The following TAMM41 variants were observed in gnomAD, a reference collection of about 807,000 sequenced individuals.
TAMM41 encodes phosphatidate cytidylyltransferase, mitochondrial.
A neutral mutation model predicts 44.1 loss-of-function variants in TAMM41; 36 were observed. That is an observed-to-expected ratio of 0.82 (90% CI 0.63 to 1.08). TAMM41 has a LOEUF of 1.08. TAMM41 is among the 50% of genes least tolerant of loss of function. The pLI is 0.00. For synonymous variants in TAMM41, 164 were observed against 153.1 expected, an observed-to-expected ratio of 1.07 and a Z score of -0.53; for missense variants, 417 against 404.3, an observed-to-expected ratio of 1.03 and a Z score of -0.27.
At chr3:11,763,951 C>T in the TAMM41 span, among the ~76,000 whole-genome samples, 1 of 152,282 alleles carries the variant, frequency 6.6e-6, no homozygotes, top group African/African-American at 2.4e-5. Flanking sequence ...ATAAAGCATT[C>T]GCAGGTCACT....
intron 5 of TAMM41, among the ~76,000 whole-genome samples, chr3:11,815,426 GT>G (rs2078241364): frequency 6.6e-6 from 1 of 152,094 alleles, no homozygotes; most frequent in African/African-American, 2.4e-5. Flanking sequence ...AATGGGAAGA[GT>G]TTTACGGATC....
the TAMM41 span, among the ~76,000 whole-genome samples, chr3:11,742,065 A>G: frequency 1.3e-5 from 2 of 150,208 alleles, no homozygotes; most frequent in Non-Finnish European, 2.9e-5. Context: ...AAGGGGGTCT[A>G]CCGTATGCAT....
Position 11,807,836 on chromosome 3 carries a change from C to T in TAMM41, c.934G>A (p.Ala312Thr), listed in dbSNP as rs1474775068. Residue 312 changes from alanine (A) to threonine (T), a missense_variant, in exon 7 of 8, where the codon GCT becomes ACT. Physicochemically the swap from Ala to Thr is moderately conservative, Grantham distance 58 (BLOSUM62 0). Coordinates refer to ENST00000455809, the MANE Select transcript of TAMM41 (RefSeq NM_001284401.2). ...IRQSTKGIFTAGLKKSVIYSS... is the reference protein window; with the variant it reads ...IRQSTKGIFTTGLKKSVIYSS... Reference sequence around the variant, plus strand: ...CACGGATTTCCAAAGCTCTTACCAGCAGTAAAAATGCCTTTCGTGCTCTGT... The same window carrying T: ...CACGGATTTCCAAAGCTCTTACCAGTAGTAAAAATGCCTTTCGTGCTCTGT... The T allele has an allele frequency of 1.3e-6, 2 of 1,536,096 alleles. No homozygotes were observed. The highest frequency in any genetic ancestry group is 8.7e-7 in the Non-Finnish European group (1 of 1,146,922).
At chr3:11,727,746 T>A in the TAMM41 span, among the ~76,000 whole-genome samples, 1 of 151,822 alleles carries the variant, frequency 6.6e-6, no homozygotes, top group African/African-American at 2.4e-5. Context: ...ATTACAGACA[T>A]AAGCCACTGT....
At chr3:11,770,948 C>G in the TAMM41 span, among the ~76,000 whole-genome samples, 2 of 152,100 alleles carry the variant, frequency 1.3e-5, no homozygotes, top group Admixed American at 6.5e-5. Context: ...ACATGTACCC[C>G]CTTCACTCCC....
At chr3:11,784,096 G>A in the TAMM41 span, among the ~76,000 whole-genome samples, 2 of 152,144 alleles carry the variant, frequency 1.3e-5, no homozygotes, top group East Asian at 1.9e-4. Context: ...TGGAGATTTG[G>A]GCCCCAACCA....
intron 2 of TAMM41, among the ~76,000 whole-genome samples, chr3:11,842,066 C>T (rs1189900500): frequency 6.6e-6 from 1 of 152,120 alleles, no homozygotes; most frequent in African/African-American, 2.4e-5. Flanking sequence ...CCCTTTAAAG[C>T]GTGGGCCTTT....
intron 7 of TAMM41, among the ~76,000 whole-genome samples, chr3:11,793,059 C>CAAAAAAAAAAAAAAAAAAAAAA (rs61264653): frequency 1.5e-5 from 1 of 65,128 alleles, no homozygotes; most frequent in African/African-American, 6.7e-5. Context: ...GGCCCCATCT[C>CAAAAAAAAAAAAAAAAAAAAAA]AAAAAAAAAA....
the TAMM41 span, among the ~76,000 whole-genome samples, chr3:11,754,222 C>T: frequency 1.3e-5 from 2 of 152,250 alleles, no homozygotes; most frequent in Admixed American, 6.5e-5. Context: ...CTAGCATCAT[C>T]TGTCAATCTC....
chr3:11,839,289 G>C lies in TAMM41; in HGVS notation c.344C>G (p.Thr115Ser). 9 of 1,612,708 alleles carry C rather than the reference G, an allele frequency of 5.6e-6. No homozygotes were observed. The highest frequency in any genetic ancestry group is 7.6e-6 in the Non-Finnish European group (9 of 1,179,120). Residue 115 changes from threonine to serine, a missense_variant, in exon 3 of 8, where the codon ACT (threonine) becomes AGT (serine). Coordinates refer to ENST00000455809, the MANE Select transcript of TAMM41 (RefSeq NM_001284401.2). ...GRLIKYGVIS[T>S]NVLIEDLLNW... ...GAGGAGATCTTCAATCAGAACGTTA[G>C]TGCTAATAACTCCATATTTGATAAG...
intron 3 of TAMM41, among the ~76,000 whole-genome samples, chr3:11,831,210 A>C (rs752302683): frequency 5.9e-5 from 9 of 152,150 alleles, no homozygotes; most frequent in East Asian, 3.9e-4. Context: ...ACTCGTTAAA[A>C]TGTGTATTAT....
At chr3:11,784,863 C>T in the TAMM41 span, among the ~76,000 whole-genome samples, 13 of 143,070 alleles carry the variant, frequency 9.1e-5, no homozygotes, top group African/African-American at 2.4e-4. Context: ...AGTGCAGTGG[C>T]GCAATCGTGG....
downstream of TAMM41, among the ~76,000 whole-genome samples, chr3:11,789,121 G>A (rs1012089265): frequency 6.6e-6 from 1 of 152,204 alleles, no homozygotes; most frequent in Admixed American, 6.5e-5. Context: ...GAAGAGGTCT[G>A]TAATGTTATT....
intron 4 of TAMM41, among the ~76,000 whole-genome samples, chr3:11,829,383 T>C (rs2078888702): frequency 6.6e-6 from 1 of 152,098 alleles, no homozygotes; most frequent in Non-Finnish European, 1.5e-5. Flanking sequence ...AGAAAACAAA[T>C]ATGGTGCAAT....
chr3:11,817,048 C>T lies in TAMM41; in HGVS notation c.708+144G>A, dbSNP rs79084439. On this transcript the variant is annotated intron_variant, in intron 5 of 7. Coordinates refer to ENST00000455809, the MANE Select transcript of TAMM41 (RefSeq NM_001284401.2). ...TTACCTTTTAGCATTATTCCAGATACACAGAAGCCTATGTTTACATACAGT... is the reference window on the plus strand; with the variant it reads ...TTACCTTTTAGCATTATTCCAGATATACAGAAGCCTATGTTTACATACAGT... The T allele has an allele frequency of 5.4e-5, 44 of 813,330 alleles. No homozygotes were observed. The East Asian group carries it at 1.1e-3, about 20-fold the overall frequency. 50.4% of individuals were successfully genotyped at this position (813,330 alleles called of 1,614,324 possible).
intron 2 of TAMM41, among the ~76,000 whole-genome samples, chr3:11,841,948 T>C (rs2079462982): frequency 6.6e-6 from 1 of 152,146 alleles, no homozygotes. Flanking sequence ...AAAGCAAATA[T>C]ATGGCCCAAG....
the TAMM41 span, among the ~76,000 whole-genome samples, chr3:11,747,775 A>C: frequency 6.6e-6 from 1 of 152,168 alleles, no homozygotes; most frequent in Non-Finnish European, 1.5e-5. Context: ...CAAAAAAATT[A>C]AAAAATAAAA....
At chr3:11,741,216 C>CAAAAAAAA in the TAMM41 span, among the ~76,000 whole-genome samples, 18 of 61,806 alleles carry the variant, frequency 2.9e-4, no homozygotes, top group African/African-American at 1.2e-3. Context: ...GACACCGTCT[C>CAAAAAAAA]AAAAAAAAAA....
the TAMM41 span, among the ~76,000 whole-genome samples, chr3:11,752,789 T>C: frequency 1.3e-5 from 2 of 151,858 alleles, no homozygotes; most frequent in Non-Finnish European, 2.9e-5. Context: ...ACAGGTGCTA[T>C]AGGCGCATGC....
Sources: allele counts gnomAD v4.1 joint callset (sites outside exome capture counted in the v4.1 genomes callset), GRCh38; gene constraint gnomAD v4.1.1; transcripts MANE v1.5; gene names NCBI Gene and HGNC (gene_info 2026-07-23, HGNC 2026-07-21).